The following KSR2 variants were observed in gnomAD, a reference collection of about 807,000 sequenced individuals.
KSR2 encodes the protein kinase suppressor of ras 2.
Under a neutral mutation model 107.8 loss-of-function variants are expected in KSR2, and 25 were observed. That is an observed-to-expected ratio of 0.23 (90% CI 0.17 to 0.32). The LOEUF (loss-of-function observed/expected upper bound fraction) is 0.32, where lower values mean the gene tolerates loss of function less well. Among genes scored for constraint, KSR2 ranks in the 10% least tolerant of loss-of-function variants. KSR2 has a pLI of 1.00. For missense variants in KSR2, 887 were observed against 1,268.9 expected, an observed-to-expected ratio of 0.70 and a Z score of 4.57; for synonymous variants, 480 against 507.0, an observed-to-expected ratio of 0.95 and a Z score of 0.71.
intron 7 of KSR2, among the ~76,000 whole-genome samples, chr12:117,571,283 C>T (rs1375830350): frequency 3.9e-5 from 6 of 151,968 alleles, no homozygotes; most frequent in Non-Finnish European, 5.9e-5. Flanking sequence ...AAACCTATTC[C>T]ATTGTGGAGG....
chr12:117,868,662 C>T (rs1337753167), intron 1 of KSR2, among the ~76,000 whole-genome samples: 2 of 152,128 alleles, frequency 1.3e-5, no homozygotes, highest in East Asian at 3.9e-4. Flanking sequence ...GAGATTCAAA[C>T]CCAGTCTAAT....
At chr12:117,569,903 A>C (rs1312538008) in intron 7 of KSR2, among the ~76,000 whole-genome samples, 1 of 152,196 alleles carries the variant, frequency 6.6e-6, no homozygotes, top group Non-Finnish European at 1.5e-5. Context: ...TTCACATTCT[A>C]AAACTGAATA....
rs545189257 is a variant in KSR2, at chr12:117,967,711, C to G, written c.180+365G>C. On this transcript the variant is annotated intron_variant, in intron 1 of 19. Coordinates refer to ENST00000339824, the MANE Select transcript of KSR2 (RefSeq NM_173598.6). ...ATGTATTACCCGGCACACAAGCCCC[C>G]GTGGCATATAAACAAATCCACAAGC... is the stretch of plus-strand genomic sequence containing the variant. Among the ~76,000 whole-genome samples, 7 of 152,076 alleles carry G rather than the reference C, an allele frequency of 4.6e-5. No homozygotes were observed. In the South Asian group the frequency reaches 1.2e-3, roughly 27 times the overall value.
Position 117,861,035 on chromosome 12 carries a change from T to A in KSR2, c.181-604A>T, listed in dbSNP as rs953259183. ...CGCCCGGCCTGCACACATGCTTTGATCCAACAATTCCATTTGCAGGAACTC... is the reference window on the plus strand; with the variant it reads ...CGCCCGGCCTGCACACATGCTTTGAACCAACAATTCCATTTGCAGGAACTC... On this transcript the variant is annotated intron_variant, in intron 1 of 19. Coordinates refer to ENST00000339824, the MANE Select transcript of KSR2 (RefSeq NM_173598.6). Among the ~76,000 whole-genome samples, 3 of 152,210 alleles carry A rather than the reference T, an allele frequency of 2.0e-5. No individual in the cohort carries two copies. In the South Asian group the frequency reaches 6.2e-4, roughly 32 times the overall value.
In KSR2 at chr12:117,698,224, A is replaced by G. The variant is rs572311930; in HGVS notation, c.987-30566T>C. Among the ~76,000 whole-genome samples the G allele has an allele frequency of 9.2e-5, 14 of 152,284 alleles. 1 individual carries two copies. Among genetic ancestry groups the G allele is most frequent in the Admixed American group, 5.2e-4 (8 of 15,296 alleles). ...GGCATCCAGTTTATGGTACTTTGTT[A>G]CAGCAACTCTAGGAAATTAATATAT... is the stretch of plus-strand genomic sequence containing the variant. On this transcript the variant is annotated intron_variant, in intron 4 of 19. Coordinates refer to ENST00000339824, the MANE Select transcript of KSR2 (RefSeq NM_173598.6).
chr12:117,915,261 G>A (rs986925316), intron 1 of KSR2, among the ~76,000 whole-genome samples: 2 of 152,228 alleles, frequency 1.3e-5, no homozygotes, highest in African/African-American at 4.8e-5. Flanking sequence ...AGGTTCTGGA[G>A]AGGGTCCCCC....
chr12:117,713,722 C>T (rs1180109203), intron 4 of KSR2, among the ~76,000 whole-genome samples: 1 of 152,198 alleles, frequency 6.6e-6, no homozygotes, highest in Admixed American at 6.5e-5. Context: ...TCTGTCCTCT[C>T]ACTCTCTCCT....
chr12:117,542,267 C>T (rs1249604169), intron 9 of KSR2, among the ~76,000 whole-genome samples: 1 of 152,026 alleles, frequency 6.6e-6, no homozygotes, highest in Admixed American at 6.6e-5. Context: ...ATGTAGGTAC[C>T]CACCTCCTTC....
chr12:117,855,200 C>T (rs1219142832), intron 3 of KSR2, among the ~76,000 whole-genome samples: 1 of 152,174 alleles, frequency 6.6e-6, no homozygotes, highest in African/African-American at 2.4e-5. Context: ...TACCCTAAAC[C>T]TCAGCGGGTC....
chr12:117,902,766 G>C (rs895709010), intron 1 of KSR2, among the ~76,000 whole-genome samples: 7 of 152,126 alleles, frequency 4.6e-5, no homozygotes, highest in African/African-American at 1.7e-4. Context: ...TGCTAAGCCA[G>C]CTCCAGTAAA....
chr12:117,558,149 A>G (rs558330173), intron 8 of KSR2, among the ~76,000 whole-genome samples: 2 of 152,332 alleles, frequency 1.3e-5, no homozygotes, highest in African/African-American at 4.8e-5. Flanking sequence ...ACACAATGGA[A>G]AAACACCCAG....
At chr12:117,867,930 A>G (rs1260633333) in intron 1 of KSR2, among the ~76,000 whole-genome samples, 3 of 152,184 alleles carry the variant, frequency 2.0e-5, no homozygotes, top group African/African-American at 4.8e-5. Flanking sequence ...GCCCACCTCA[A>G]ATGCCACCTG....
chr12:117,654,066 T>C (rs1884017691), intron 5 of KSR2, among the ~76,000 whole-genome samples: 2 of 152,340 alleles, frequency 1.3e-5, no homozygotes, highest in Middle Eastern at 3.4e-3. Flanking sequence ...ACTACTCTCC[T>C]TTTAAGAGAC....
At chr12:117,474,279 A>G (rs2137120111) in intron 17 of KSR2, among the ~76,000 whole-genome samples, 1 of 152,238 alleles carries the variant, frequency 6.6e-6, no homozygotes, top group Middle Eastern at 3.4e-3. Context: ...AAACTATACC[A>G]ACTTAATTAT....
chr12:117,577,620 C>T (rs536646864), intron 7 of KSR2, among the ~76,000 whole-genome samples: 3 of 152,208 alleles, frequency 2.0e-5, no homozygotes, highest in African/African-American at 4.8e-5. Context: ...CTCACAATCC[C>T]GGTGGAAGGC....
intron 5 of KSR2, among the ~76,000 whole-genome samples, chr12:117,606,701 T>C (rs1881298279): frequency 7.0e-6 from 1 of 143,090 alleles, no homozygotes; most frequent in Non-Finnish European, 1.5e-5. Flanking sequence ...CCTTCCTTTC[T>C]TCCTCCCCTT....
At chr12:117,851,611 C>G (rs1291027267) in intron 3 of KSR2, among the ~76,000 whole-genome samples, 1 of 151,984 alleles carries the variant, frequency 6.6e-6, no homozygotes, top group East Asian at 1.9e-4. Context: ...TAGAGGCAGG[C>G]CAGGCACGGT....
intron 5 of KSR2, among the ~76,000 whole-genome samples, chr12:117,649,861 G>A (rs1207256819): frequency 6.6e-6 from 1 of 152,174 alleles, no homozygotes; most frequent in Non-Finnish European, 1.5e-5. Flanking sequence ...CTGTACAATG[G>A]TAGAGACACA....
At chr12:117,913,351 T>C (rs1895079931) in intron 1 of KSR2, among the ~76,000 whole-genome samples, 1 of 152,180 alleles carries the variant, frequency 6.6e-6, no homozygotes, top group Admixed American at 6.5e-5. Flanking sequence ...TGGACTTGTC[T>C]GTCCTCTACC....
Sources: allele counts gnomAD v4.1 joint callset (sites outside exome capture counted in the v4.1 genomes callset), GRCh38; gene constraint gnomAD v4.1.1; transcripts MANE v1.5; gene names NCBI Gene and HGNC (gene_info 2026-07-23, HGNC 2026-07-21).